CACNA1D: variants seen among roughly 807,000 people sequenced by gnomAD.
The protein encoded by CACNA1D is voltage-dependent L-type calcium channel subunit alpha-1D.
Under a neutral mutation model 257.1 loss-of-function variants are expected in CACNA1D, and 55 were observed. The ratio of observed to expected loss-of-function variants is 0.21; its 90% CI spans 0.17 to 0.27. CACNA1D has a LOEUF of 0.27. CACNA1D is among the 10% of genes least tolerant of loss of function. The probability of loss-of-function intolerance (pLI) is 1.00; values close to 1 mark genes in which losing one functional copy is unlikely to be tolerated. For synonymous variants in CACNA1D, 980 were observed against 1,014.9 expected (o/e 0.97, Z 0.65); for missense variants, 1,876 against 2,784.0 (o/e 0.67, Z 7.34).
chr3:53,684,039 A>G (rs1289001156), intron 8 of CACNA1D, among the ~76,000 whole-genome samples: 1 of 152,348 alleles, frequency 6.6e-6, no homozygotes, highest in South Asian at 2.1e-4. Context: ...AGCAAATGGG[A>G]AAGGGCACAT....
At chr3:53,555,460 GT>G (rs372133749) in intron 3 of CACNA1D, among the ~76,000 whole-genome samples, 89 of 78,362 alleles carry the variant, frequency 1.1e-3, no homozygotes, top group East Asian at 4.0e-3. Flanking sequence ...GTGTGTGTGT[GT>G]TTTTTTTTTT....
chr3:53,606,496 A>G (rs1275093580), intron 3 of CACNA1D, among the ~76,000 whole-genome samples: 1 of 152,238 alleles, frequency 6.6e-6, no homozygotes, highest in East Asian at 1.9e-4. Context: ...AGCCTTGACC[A>G]TGGAAGAAAA....
chr3:53,637,750 G>T (rs1253829012), intron 3 of CACNA1D, among the ~76,000 whole-genome samples: 2 of 152,208 alleles, frequency 1.3e-5, no homozygotes, highest in South Asian at 2.1e-4. Flanking sequence ...CCTCAGCTCA[G>T]TGTGGGTCTC....
chr3:53,759,728 C>T (rs992974113), intron 29 of CACNA1D, among the ~76,000 whole-genome samples: 5 of 152,232 alleles, frequency 3.3e-5, no homozygotes, highest in African/African-American at 9.6e-5. Flanking sequence ...GTTATCCATT[C>T]GCAACAAGAG....
At chr3:53,747,563 G>A in intron 26 of CACNA1D, 115 bp downstream of exon 26, 3 of 1,115,282 alleles carry the variant, frequency 2.7e-6, no homozygotes, top group Non-Finnish European at 4.1e-6. Context: ...TTGCCCTGTG[G>A]CTTTTTAACC....
At chr3:53,733,077 T>G (rs537794394) in intron 19 of CACNA1D, 115 bp downstream of exon 19, 1 of 996,348 alleles carries the variant, frequency 1.0e-6, no homozygotes, top group East Asian at 2.5e-5. Flanking sequence ...TTTCTGAACC[T>G]GAGTGTCCCT....
At chr3:53,610,129 T>C (rs896269582) in intron 3 of CACNA1D, among the ~76,000 whole-genome samples, 1 of 152,240 alleles carries the variant, frequency 6.6e-6, no homozygotes, top group South Asian at 2.1e-4. Flanking sequence ...TTTCAATGTA[T>C]TAATGCTTGT....
intron 42 of CACNA1D, among the ~76,000 whole-genome samples, chr3:53,801,914 T>C (rs2095538189): frequency 6.6e-6 from 1 of 152,194 alleles, no homozygotes; most frequent in South Asian, 2.1e-4. Flanking sequence ...TTGCATATGA[T>C]GAGATATTTT....
intron 5 of CACNA1D, among the ~76,000 whole-genome samples, chr3:53,661,878 T>C (rs1413956468): frequency 6.6e-6 from 1 of 152,226 alleles, no homozygotes; most frequent in African/African-American, 2.4e-5. Flanking sequence ...GAGATTTGTA[T>C]GTAACTCTCC....
In CACNA1D at chr3:53,597,360, G is replaced by A. The variant is rs141245151; in HGVS notation, c.484-53419G>A. The stretch of plus-strand genomic sequence containing the variant: ...AGCAGGTTGATGGGAGCATGTTACT[G>A]ACTAGGATTGCAGGAGCTCAGAGGG... On this transcript the variant is annotated intron_variant, in intron 3 of 47. Transcript: ENST00000350061. Among the ~76,000 whole-genome samples, 331 of 152,326 alleles carry A rather than the reference G, an allele frequency of 2.2e-3. 1 individual carries two copies. Among genetic ancestry groups the A allele is most frequent in the African/African-American group, 7.3e-3 (305 of 41,568 alleles).
intron 3 of CACNA1D, among the ~76,000 whole-genome samples, chr3:53,625,033 GTT>G (rs1302916156): frequency 6.6e-6 from 1 of 152,194 alleles, no homozygotes; most frequent in Non-Finnish European, 1.5e-5. Context: ...TACCACGATA[GTT>G]TGTGTGTTTC....
intron 3 of CACNA1D, among the ~76,000 whole-genome samples, chr3:53,605,692 T>C (rs1053038615): frequency 2.0e-5 from 3 of 152,180 alleles, no homozygotes; most frequent in Admixed American, 6.5e-5. Flanking sequence ...GCACTTCTGA[T>C]TTTCAAAGAA....
chr3:53,609,391 C>G (rs2093554496), intron 3 of CACNA1D, among the ~76,000 whole-genome samples: 1 of 112,622 alleles, frequency 8.9e-6, no homozygotes, highest in Non-Finnish European at 1.6e-5. Context: ...GCCTGGATGA[C>G]AGAGCAAGAC....
At chr3:53,797,208 T>C (rs1359933042) in intron 40 of CACNA1D, among the ~76,000 whole-genome samples, 1 of 152,204 alleles carries the variant, frequency 6.6e-6, no homozygotes, top group East Asian at 1.9e-4. Flanking sequence ...TAGCTTGATA[T>C]GTGTGCTAGA....
At chr3:53,536,442 G>T (rs1263817875) in intron 3 of CACNA1D, among the ~76,000 whole-genome samples, 1 of 151,908 alleles carries the variant, frequency 6.6e-6, no homozygotes, top group Non-Finnish European at 1.5e-5. Flanking sequence ...TTTTTTCACA[G>T]AAGCATTGTT....
intron 29 of CACNA1D, among the ~76,000 whole-genome samples, chr3:53,756,589 C>T (rs1196802471): frequency 2.0e-5 from 3 of 152,226 alleles, no homozygotes; most frequent in African/African-American, 4.8e-5. Context: ...AGCCTAGGTC[C>T]TGCTTTCAAC....
At chr3:53,729,855 A>G (rs980006048) in intron 15 of CACNA1D, among the ~76,000 whole-genome samples, 5 of 152,216 alleles carry the variant, frequency 3.3e-5, no homozygotes, top group Non-Finnish European at 4.4e-5. Flanking sequence ...AGTCAGACAC[A>G]TTATAGTCAG....
intron 3 of CACNA1D, chr3:53,530,454 G>A (rs1341951652): frequency 3.3e-5 from 5 of 152,220 alleles, no homozygotes; most frequent in African/African-American, 1.2e-4. Flanking sequence ...GAATCTAGAG[G>A]ATGGCACCTC....
chr3:53,512,933 A>G lies in CACNA1D; in HGVS notation c.483+11213A>G, dbSNP rs144303974. Among the ~76,000 whole-genome samples the G allele has an allele frequency of 3.3e-4, 51 of 152,356 alleles. No homozygotes were observed. In the East Asian group the frequency reaches 9.8e-3, roughly 29 times the overall value. ...AAATACTTTATTGCTTTCTTCATAC[A>G]TACCAACCTGTAGAAATCATTTGAC... On this transcript the variant is annotated intron_variant, in intron 3 of 47. Transcript: ENST00000350061.
Sources: allele counts gnomAD v4.1 joint callset (sites outside exome capture counted in the v4.1 genomes callset), GRCh38; gene constraint gnomAD v4.1.1; transcripts MANE v1.5; gene names NCBI Gene and HGNC (gene_info 2026-07-23, HGNC 2026-07-21).